The following NIBAN1 variants were observed in gnomAD, a reference collection of about 807,000 sequenced individuals.
NIBAN1 encodes niban apoptosis regulator 1.
NIBAN1 carries 81 observed loss-of-function variants against 75.1 expected under a neutral mutation model. That is an observed-to-expected ratio of 1.08 (90% CI 0.90 to 1.30). The LOEUF (loss-of-function observed/expected upper bound fraction) is 1.30, where lower values mean the gene tolerates loss of function less well. NIBAN1 is among the 50% of genes most tolerant of loss of function. NIBAN1 has a pLI of 0.00. For missense variants in NIBAN1, 1,133 were observed against 1,128.1 expected, an observed-to-expected ratio of 1.00 and a Z score of -0.06; for synonymous variants, 436 against 424.8, an observed-to-expected ratio of 1.03 and a Z score of -0.32.
rs1558090321 is a variant in NIBAN1, at chr1:184,791,394, T to G, written c.*3583A>C. ...CCTTTTGAAATCACTAGCTCTGACA[T>G]AGAAGATTACCAGACTTGAGAATTT... On this transcript the variant is annotated 3_prime_UTR_variant, in exon 14 of 14. Transcript: ENST00000367511. The G allele has an allele frequency of 6.5e-6, 1 of 154,742 alleles. No individual in the cohort carries two copies. 9.6% of individuals were successfully genotyped at this position (154,742 alleles called of 1,614,324 possible). A position where few individuals can be genotyped will look rare whatever the true frequency, so the allele number is the denominator to read the frequency against.
chr1:184,951,637 A>G (rs1658360690), intron 1 of NIBAN1, among the ~76,000 whole-genome samples: 1 of 152,062 alleles, frequency 6.6e-6, no homozygotes, highest in Admixed American at 6.6e-5. Flanking sequence ...CCACACCACC[A>G]TAATCCCTGG....
chr1:184,917,499 C>G (rs113891946), intron 1 of NIBAN1, among the ~76,000 whole-genome samples: 3,259 of 151,346 alleles, frequency 0.022, 114 homozygotes, highest in African/African-American at 0.073. Context: ...GTGAGCCACC[C>G]TGCCCGGCCG....
intron 9 of NIBAN1, among the ~76,000 whole-genome samples, chr1:184,810,327 C>T (rs1009581801): frequency 6.6e-6 from 1 of 152,170 alleles, no homozygotes; most frequent in East Asian, 1.9e-4. Flanking sequence ...GACTCCTGGG[C>T]ACTACCCCTA....
chr1:184,962,790 G>C (rs1658684509), intron 1 of NIBAN1, among the ~76,000 whole-genome samples: 1 of 152,106 alleles, frequency 6.6e-6, no homozygotes, highest in Admixed American at 6.5e-5. Flanking sequence ...AGTTCATAAT[G>C]ATTTTTATAG....
At chr1:184,963,865 A>G (rs192802331) in intron 1 of NIBAN1, among the ~76,000 whole-genome samples, 25 of 152,362 alleles carry the variant, frequency 1.6e-4, no homozygotes, top group Admixed American at 1.4e-3. Flanking sequence ...CAATTTCAAT[A>G]AAATTACAAA....
At chr1:184,865,995 C>A (rs868696102) in intron 5 of NIBAN1, among the ~76,000 whole-genome samples, 1 of 152,144 alleles carries the variant, frequency 6.6e-6, no homozygotes, top group African/African-American at 2.4e-5. Flanking sequence ...ATTAACTATT[C>A]TTATCATTTC....
At chr1:184,842,580 C>A (rs1296965817) in intron 5 of NIBAN1, among the ~76,000 whole-genome samples, 1 of 152,024 alleles carries the variant, frequency 6.6e-6, no homozygotes, top group Non-Finnish European at 1.5e-5. Flanking sequence ...ATGGTGAAGC[C>A]CCGTCTCTAC....
chr1:184,943,794 T>C (rs890203374), intron 1 of NIBAN1, among the ~76,000 whole-genome samples: 3 of 152,208 alleles, frequency 2.0e-5, no homozygotes, highest in Non-Finnish European at 4.4e-5. Context: ...CTTATGTGAA[T>C]TAACTTAAAA....
chr1:184,817,955 A>C (rs1654584682), intron 9 of NIBAN1, among the ~76,000 whole-genome samples: 1 of 152,234 alleles, frequency 6.6e-6, no homozygotes, highest in Non-Finnish European at 1.5e-5. Context: ...AACCAATTTC[A>C]CTGTTTCTGT....
chr1:184,814,747 G>T (rs914645270), intron 9 of NIBAN1, among the ~76,000 whole-genome samples: 2 of 152,180 alleles, frequency 1.3e-5, no homozygotes, highest in Non-Finnish European at 2.9e-5. Context: ...TACTGAAATT[G>T]TTTAAATATA....
chr1:184,916,492 C>CA (rs66988609), intron 1 of NIBAN1, among the ~76,000 whole-genome samples: 7 of 151,642 alleles, frequency 4.6e-5, no homozygotes, highest in South Asian at 2.1e-4. Flanking sequence ...TAGCTATGAG[C>CA]AAAAAAAATC....
chr1:184,898,821 T>C (rs746328983), intron 2 of NIBAN1, among the ~76,000 whole-genome samples: 1 of 152,120 alleles, frequency 6.6e-6, no homozygotes, highest in Non-Finnish European at 1.5e-5. Context: ...TGGTTACTTA[T>C]TATAATGGAG....
At chr1:184,893,103 G>T (rs879473559) in intron 3 of NIBAN1, among the ~76,000 whole-genome samples, 7 of 152,190 alleles carry the variant, frequency 4.6e-5, no homozygotes, top group Non-Finnish European at 8.8e-5. Context: ...AGAGGCCAGA[G>T]AGCAGAGTTT....
chr1:184,837,609 G>T (rs1415383866), intron 5 of NIBAN1, among the ~76,000 whole-genome samples: 2 of 152,106 alleles, frequency 1.3e-5, no homozygotes, highest in Non-Finnish European at 2.9e-5. Flanking sequence ...TCAATGTTGG[G>T]ATCCTTCAGA....
At chr1:184,908,052 A>G (rs1657148363) in intron 1 of NIBAN1, among the ~76,000 whole-genome samples, 1 of 152,240 alleles carries the variant, frequency 6.6e-6, no homozygotes, top group Non-Finnish European at 1.5e-5. Context: ...CTGGATGGAA[A>G]GAAGGCATGC....
chr1:184,879,845 G>A (rs188493066), intron 5 of NIBAN1, among the ~76,000 whole-genome samples: 9 of 152,292 alleles, frequency 5.9e-5, no homozygotes, highest in Admixed American at 4.6e-4. Flanking sequence ...CTCCATACAA[G>A]CAATGTTGGA....
intron 6 of NIBAN1, among the ~76,000 whole-genome samples, chr1:184,824,624 A>C (rs1327407737): frequency 1.3e-5 from 2 of 152,248 alleles, no homozygotes; most frequent in Non-Finnish European, 2.9e-5. Flanking sequence ...GATGCTGGAG[A>C]TGCCAGGGGA....
chr1:184,955,247 T>C (rs1459514083), intron 1 of NIBAN1, among the ~76,000 whole-genome samples: 1 of 152,130 alleles, frequency 6.6e-6, no homozygotes, highest in Non-Finnish European at 1.5e-5. Flanking sequence ...ATTAGTTATA[T>C]GTCCCTAATG....
chr1:184,940,071 A>G (rs1658050798), intron 1 of NIBAN1, among the ~76,000 whole-genome samples: 1 of 152,222 alleles, frequency 6.6e-6, no homozygotes, highest in Non-Finnish European at 1.5e-5. Flanking sequence ...AGACAAAACC[A>G]GTGAGAAGGC....
Sources: gnomAD v4.1 joint callset for allele counts (sites outside exome capture counted in the v4.1 genomes callset) on GRCh38, gnomAD v4.1.1 for gene constraint, MANE v1.5 for transcripts, NCBI Gene and HGNC (gene_info 2026-07-23, HGNC 2026-07-21) for gene names.